The following CDH18 variants were observed in gnomAD, a reference collection of about 807,000 sequenced individuals.
The protein encoded by CDH18 is cadherin-18.
A neutral mutation model predicts 67.9 loss-of-function variants in CDH18; 31 were observed. The observed-to-expected ratio is 0.46, with a 90% CI of 0.34 to 0.62. The LOEUF (loss-of-function observed/expected upper bound fraction) is 0.62. CDH18 is among the 20% of genes least tolerant of loss of function. The probability of loss-of-function intolerance (pLI) is 0.01; values close to 1 mark genes in which losing one functional copy is unlikely to be tolerated. For synonymous variants in CDH18, 362 were observed against 347.2 expected (o/e 1.04, Z -0.48); for missense variants, 890 against 975.5 (o/e 0.91, Z 1.17).
chr5:20,404,907 C>G (rs969807715), intron 1 of CDH18, among the ~76,000 whole-genome samples: 3 of 152,096 alleles, frequency 2.0e-5, no homozygotes, highest in Non-Finnish European at 4.4e-5. Context: ...CTGGCACAAA[C>G]CTACAGAAGT....
intron 2 of CDH18, among the ~76,000 whole-genome samples, chr5:20,168,199 G>T (rs1736443087): frequency 6.6e-6 from 1 of 152,054 alleles, no homozygotes; most frequent in Non-Finnish European, 1.5e-5. Flanking sequence ...CATATTTAAA[G>T]ATGCTGACCA....
intron 2 of CDH18, among the ~76,000 whole-genome samples, chr5:20,240,859 G>A (rs1715557947): frequency 6.6e-6 from 1 of 152,038 alleles, no homozygotes; most frequent in South Asian, 2.1e-4. Context: ...TGCACCTTAG[G>A]AACAGAGACC....
intron 1 of CDH18, among the ~76,000 whole-genome samples, chr5:20,404,230 C>G (rs1409504668): frequency 6.6e-6 from 1 of 152,190 alleles, no homozygotes; most frequent in Non-Finnish European, 1.5e-5. Flanking sequence ...GTAAAACTTT[C>G]TTCATATCAG....
chr5:19,699,612 A>ATG (rs760334528), intron 5 of CDH18, among the ~76,000 whole-genome samples: 79 of 139,080 alleles, frequency 5.7e-4, no homozygotes, highest in African/African-American at 1.4e-3. Flanking sequence ...CTCTTTCTCC[A>ATG]TGTGTGTGTG....
intron 6 of CDH18, among the ~76,000 whole-genome samples, chr5:19,603,413 G>T (rs550389823): frequency 6.6e-6 from 1 of 152,006 alleles, no homozygotes; most frequent in African/African-American, 2.4e-5. Context: ...TTTGCAAGAC[G>T]AAAAGACTTC....
At chr5:19,620,512 G>C (rs936028512) in intron 5 of CDH18, among the ~76,000 whole-genome samples, 3 of 152,058 alleles carry the variant, frequency 2.0e-5, no homozygotes, top group Non-Finnish European at 4.4e-5. Context: ...GGTGTATTTT[G>C]AGAGGGAGAG....
intron 5 of CDH18, among the ~76,000 whole-genome samples, chr5:19,642,555 T>C (rs1251504767): frequency 7.9e-5 from 12 of 152,010 alleles, no homozygotes; most frequent in African/African-American, 2.7e-4. Context: ...TTAAAAAGGA[T>C]GCAAAGAAAA....
At chr5:19,967,031 T>C (rs1797515075) in intron 2 of CDH18, among the ~76,000 whole-genome samples, 1 of 151,502 alleles carries the variant, frequency 6.6e-6, no homozygotes, top group South Asian at 2.1e-4. Context: ...CTAGGTGACA[T>C]AAAAAAGAAA....
At chr5:20,447,579 T>A (rs1281361559) in intron 1 of CDH18, among the ~76,000 whole-genome samples, 1 of 152,192 alleles carries the variant, frequency 6.6e-6, no homozygotes, top group Non-Finnish European at 1.5e-5. Flanking sequence ...TGCCTCTGTT[T>A]TCTAGAAGTT....
intron 3 of CDH18, among the ~76,000 whole-genome samples, chr5:19,812,035 C>T (rs1778793759): frequency 6.6e-6 from 1 of 151,882 alleles, no homozygotes; most frequent in Non-Finnish European, 1.5e-5. Context: ...CAATAAGGAC[C>T]CATCTGGAAA....
At chr5:20,308,252 T>C (rs1000925431) in intron 1 of CDH18, among the ~76,000 whole-genome samples, 2 of 152,056 alleles carry the variant, frequency 1.3e-5, no homozygotes, top group African/African-American at 2.4e-5. Context: ...CACTTGATCG[T>C]AGCCAAAAGG....
chr5:19,700,125 C>T (rs573261035), intron 5 of CDH18, among the ~76,000 whole-genome samples: 1 of 152,254 alleles, frequency 6.6e-6, no homozygotes, highest in East Asian at 1.9e-4. Flanking sequence ...TAGCAATCAT[C>T]TTATACTCCA....
At chr5:20,108,845 T>C (rs553209583) in intron 2 of CDH18, among the ~76,000 whole-genome samples, 42 of 152,264 alleles carry the variant, frequency 2.8e-4, no homozygotes, top group African/African-American at 1.0e-3. Flanking sequence ...AGCCACTAAC[T>C]AGATTAAAAA....
At chr5:20,111,163 A>C (rs891332774) in intron 2 of CDH18, among the ~76,000 whole-genome samples, 1 of 152,266 alleles carries the variant, frequency 6.6e-6, no homozygotes, top group Middle Eastern at 3.4e-3. Context: ...TCTCTGCTCT[A>C]TGTAAAGGGA....
chr5:19,696,640 C>T (rs982726272), intron 5 of CDH18, among the ~76,000 whole-genome samples: 91 of 151,936 alleles, frequency 6.0e-4, no homozygotes, highest in Non-Finnish European at 1.8e-4. Flanking sequence ...GTGATCCTCC[C>T]GCCTCGGCCT....
At chr5:19,641,142 C>CAAAAAAAAAAAAAAAA (rs3062887) in intron 5 of CDH18, among the ~76,000 whole-genome samples, 1 of 112,380 alleles carries the variant, frequency 8.9e-6, no homozygotes, top group Non-Finnish European at 1.8e-5. Context: ...CTAAATTTTT[C>CAAAAAAAAAAAAAAAA]AAAAAAAAAA....
intron 3 of CDH18, among the ~76,000 whole-genome samples, chr5:19,829,010 C>T (rs1780731038): frequency 1.3e-5 from 2 of 152,044 alleles, no homozygotes; most frequent in African/African-American, 4.8e-5. Flanking sequence ...TGCACTCTAG[C>T]CTAGGTGACA....
intron 3 of CDH18, among the ~76,000 whole-genome samples, chr5:19,773,982 A>G (rs1277516884): frequency 1.3e-5 from 2 of 152,164 alleles, no homozygotes; most frequent in African/African-American, 2.4e-5. Context: ...ACAAAGAAGC[A>G]CCTTCTGGAG....
chr5:19,525,313 T>G lies in CDH18; in HGVS notation c.1391-4535A>C, dbSNP rs565666994. On this transcript the variant is annotated intron_variant, in intron 9 of 12. Coordinates refer to ENST00000382275, the MANE Select transcript of CDH18 (RefSeq NM_004934.5). ...AATCCTTCTGCTTCAACATAGACTC[T>G]GTCCATTATGACCCAATATTACTTT... Among the ~76,000 whole-genome samples, 5 of 152,132 alleles carry G rather than the reference T, an allele frequency of 3.3e-5. No homozygotes were observed. The East Asian group carries it at 7.8e-4, about 24-fold the overall frequency.
Sources: allele counts gnomAD v4.1 joint callset (sites outside exome capture counted in the v4.1 genomes callset), GRCh38; gene constraint gnomAD v4.1.1; transcripts MANE v1.5; gene names NCBI Gene and HGNC (gene_info 2026-07-23, HGNC 2026-07-21).